The following TCP11L1 variants were observed in gnomAD, a reference collection of about 807,000 sequenced individuals.
TCP11L1 encodes the protein T-complex protein 11-like protein 1.
TCP11L1 carries 28 observed loss-of-function variants against 48.9 expected under a neutral mutation model. That is an observed-to-expected ratio of 0.57 (90% CI 0.42 to 0.78). TCP11L1 has a LOEUF of 0.78. TCP11L1 is among the 30% of genes least tolerant of loss of function. The pLI, the probability that TCP11L1 is intolerant of heterozygous loss-of-function variation, is 0.00. For missense variants in TCP11L1, 505 were observed against 613.4 expected (o/e 0.82, Z 1.87); for synonymous variants, 204 against 231.9 (o/e 0.88, Z 1.09).
rs137983400 is a variant in TCP11L1, at chr11:33,065,899, G to T, written c.1042G>T (p.Ala348Ser). ...LQLEQLTILG[A>S]VLLVTFSMAA... is the part of the protein sequence containing the mutation. ...GCTGGAACAACTGACCATCCTGGGG[G>T]CTGTGTTGCTGGTCACCTTCAGCAT... Residue 348 changes from alanine (A) to serine (S), a missense_variant, in exon 8 of 10, where the codon GCT becomes TCT. Coordinates refer to ENST00000334274, the MANE Select transcript of TCP11L1 (RefSeq NM_018393.4). 711 of 1,614,222 alleles carry T rather than the reference G, an allele frequency of 4.4e-4. 1 individual carries two copies. The highest frequency in any genetic ancestry group is 1.4e-3 in the South Asian group (126 of 91,084).
intron 4 of TCP11L1, 147 bp from the exon 5 acceptor site, chr11:33,057,772 T>C: frequency 1.4e-6 from 1 of 700,766 alleles, no homozygotes; most frequent in African/African-American, 1.8e-5. Flanking sequence ...GTAAACATGT[T>C]TTTCTGTAGG....
At chr11:33,044,418 T>C (rs1161761773) in intron 2 of TCP11L1, among the ~76,000 whole-genome samples, 1 of 152,220 alleles carries the variant, frequency 6.6e-6, no homozygotes, top group Admixed American at 6.5e-5. Flanking sequence ...TTCAGATCCC[T>C]GGCAAGGAGC....
At position 33,072,725 on chromosome 11, in the gene TCP11L1, C is replaced by G. The variant is rs377288351; in HGVS notation, c.*49C>G. The G allele has an allele frequency of 8.2e-6, 13 of 1,582,018 alleles. No homozygotes were observed. Among genetic ancestry groups the G allele is most frequent in the Non-Finnish European group, 1.1e-5 (13 of 1,151,844 alleles). On this transcript the variant is annotated 3_prime_UTR_variant, in exon 10 of 10. Transcript: ENST00000334274. The stretch of plus-strand genomic sequence containing the variant: ...GTATTACTCACTAGCCACAGAATAC[C>G]TGTTCTGTACTCTAATGTTGCATTG...
intron 9 of TCP11L1, among the ~76,000 whole-genome samples, chr11:33,070,685 CAAAA>C (rs1182483117): frequency 1.4e-5 from 1 of 71,556 alleles, no homozygotes; most frequent in Non-Finnish European, 2.7e-5. Context: ...AAGTCTGTCT[CAAAA>C]AAAAAAAAAA....
Position 33,061,610 on chromosome 11 carries a change from G to T in TCP11L1, c.856G>T (p.Val286Leu). ...MTQKYKHALPVGGMAAGSGDM... is the reference protein window; with the variant it reads ...MTQKYKHALPLGGMAAGSGDM... Reference sequence around the variant, plus strand: ...TCAGAAGTATAAACACGCCCTGCCAGTGGGGGGAATGGCTGCTGGCTCTGG... The same window carrying T: ...TCAGAAGTATAAACACGCCCTGCCATTGGGGGGAATGGCTGCTGGCTCTGG... The change falls in exon 7 of 10, where the codon GTG becomes TTG. Residue 286 changes from valine to leucine, a missense_variant. By Grantham distance (32) the Val-to-Leu change is conservative. Transcript: ENST00000334274. 1.9e-6 allele frequency: 3 copies of T among 1,613,030 alleles called. No individual in the cohort carries two copies. Among genetic ancestry groups the T allele is most frequent in the Non-Finnish European group, 1.7e-6 (2 of 1,179,540 alleles).
chr11:33,066,928 C>T (rs1475854124), intron 8 of TCP11L1, among the ~76,000 whole-genome samples: 1 of 152,034 alleles, frequency 6.6e-6, no homozygotes, highest in East Asian at 1.9e-4. Context: ...CTGACCCTAA[C>T]TGTGTTTAAT....
chr11:33,054,397 G>T (rs1272958561), intron 2 of TCP11L1, among the ~76,000 whole-genome samples, 196 bp from the exon 3 acceptor site: 2 of 152,142 alleles, frequency 1.3e-5, no homozygotes, highest in East Asian at 1.9e-4. Flanking sequence ...ATTAATAAAT[G>T]ATCTCTGCTT....
At chr11:33,049,980 G>A (rs2145299) in intron 2 of TCP11L1, among the ~76,000 whole-genome samples, 22,806 of 151,994 alleles carry the variant, frequency 0.15, 1,877 homozygotes, top group East Asian at 0.3. Flanking sequence ...GGCCCCTGCT[G>A]GAGGGCCTTC....
rs189567632 is a variant in TCP11L1 at position 33,049,761 on chromosome 11, A to G, written c.164-4832A>G. On this transcript the variant is annotated intron_variant, in intron 2 of 9. Transcript: ENST00000334274. ...ATACAATTGGGTTTTACACCAAGAC[A>G]TTCTATTGCCCAGGGATGAGCAGGA... 2.3e-3 allele frequency among the ~76,000 whole-genome samples: 345 copies of G among 152,332 alleles called. 3 individuals are homozygous for G. The highest frequency in any genetic ancestry group is 7.8e-3 in the African/African-American group (323 of 41,586).
At chr11:33,063,909 G>T (rs941827691) in intron 7 of TCP11L1, among the ~76,000 whole-genome samples, 1 of 152,142 alleles carries the variant, frequency 6.6e-6, no homozygotes, top group African/African-American at 2.4e-5. Flanking sequence ...TTGAACTGTG[G>T]CATGTTCTCT....
rs1158057888 is a variant in TCP11L1, at chr11:33,071,007, G to GA, written c.1328-1457dup. 2.1e-4 allele frequency among the ~76,000 whole-genome samples: 29 copies of GA among 136,536 alleles called. 1 individual carries two copies. Among genetic ancestry groups the GA allele is most frequent in the African/African-American group, 5.1e-4 (19 of 36,990 alleles). 89.6% of individuals were successfully genotyped at this position (136,536 alleles called of 152,430 possible). A position where few individuals can be genotyped will look rare whatever the true frequency, so the allele number is the denominator to read the frequency against. ...ACGAGGGAAACTCCATCTCAAAAAA[G>GA]AAAAAAAAAAGAAGAAGGGTGATAG... is the stretch of plus-strand genomic sequence containing the variant. On this transcript the variant is annotated intron_variant, in intron 9 of 9. Transcript: ENST00000334274.
At chr11:33,048,699 A>G (rs1854069094) in intron 2 of TCP11L1, among the ~76,000 whole-genome samples, 1 of 152,160 alleles carries the variant, frequency 6.6e-6, no homozygotes, top group Non-Finnish European at 1.5e-5. Flanking sequence ...GTTTTTTTCC[A>G]AGTATGCCCA....
intron 1 of TCP11L1, among the ~76,000 whole-genome samples, chr11:33,042,006 A>C (rs879396922): frequency 1.3e-5 from 2 of 152,238 alleles, no homozygotes; most frequent in Admixed American, 6.5e-5. Context: ...TGCTGATGTT[A>C]CAAATGTTAA....
intron 8 of TCP11L1, among the ~76,000 whole-genome samples, chr11:33,066,894 A>G (rs1159833904): frequency 2.6e-5 from 4 of 152,200 alleles, no homozygotes; most frequent in Non-Finnish European, 4.4e-5. Context: ...CGTGTAACAG[A>G]AACGAAAACT....
At chr11:33,050,934 C>T (rs1396912313) in intron 2 of TCP11L1, among the ~76,000 whole-genome samples, 1 of 152,028 alleles carries the variant, frequency 6.6e-6, no homozygotes, top group Non-Finnish European at 1.5e-5. Flanking sequence ...CCGTCTCAGC[C>T]TCCTGAGTAG....
chr11:33,068,732 G>A lies in TCP11L1; in HGVS notation c.1200G>A (p.Val400=). Residue 400 remains valine (V), a synonymous_variant, in exon 9 of 10, where the codon GTG becomes GTA. Coordinates refer to ENST00000334274, the MANE Select transcript of TCP11L1 (RefSeq NM_018393.4). ...TCCTCACTACCATCGGGGAGAAGGT[G>A]TGCCTGGAGGTGAGCAGCTGCCTCT... is the stretch of plus-strand genomic sequence containing the variant. ...KDVLTTIGEK[V]CLEVSSCLSL... 1 of 1,614,150 alleles carries A rather than the reference G, an allele frequency of 6.2e-7. No individual in the cohort carries two copies. Among genetic ancestry groups the A allele is most frequent in the Non-Finnish European group, 8.5e-7 (1 of 1,180,022 alleles).
chr11:33,065,698 C>A, intron 7 of TCP11L1, 132 bp from the exon 8 acceptor site: 1 of 1,025,394 alleles, frequency 9.8e-7, no homozygotes, highest in Non-Finnish European at 1.4e-6. Flanking sequence ...ACCAGACTCC[C>A]TCAAAGCTCT....
intron 2 of TCP11L1, among the ~76,000 whole-genome samples, chr11:33,053,144 CTTTTTTTT>C (rs10715921): frequency 1.7e-5 from 2 of 116,214 alleles, no homozygotes; most frequent in Admixed American, 9.2e-5. Flanking sequence ...CTATCAGAGA[CTTTTTTTT>C]TTTTTTTTTT....
intron 8 of TCP11L1, among the ~76,000 whole-genome samples, chr11:33,067,012 C>T: frequency 6.6e-6 from 1 of 152,014 alleles, no homozygotes; most frequent in East Asian, 1.9e-4. Flanking sequence ...GAATTGCTTT[C>T]ATAACCGACT....
Sources: allele counts gnomAD v4.1 joint callset (sites outside exome capture counted in the v4.1 genomes callset), GRCh38; gene constraint gnomAD v4.1.1; transcripts MANE v1.5; gene names NCBI Gene and HGNC (gene_info 2026-07-23, HGNC 2026-07-21).